MRAS: variants seen among roughly 807,000 people sequenced by gnomAD.
MRAS encodes the protein ras-related protein M-Ras.
A neutral mutation model predicts 20.9 loss-of-function variants in MRAS; 4 were observed. That is an observed-to-expected ratio of 0.19 (90% CI 0.09 to 0.44). The LOEUF (loss-of-function observed/expected upper bound fraction) is 0.44, where lower values mean the gene tolerates loss of function less well. Ranked by LOEUF, MRAS falls within the 20% of genes least tolerant of loss-of-function variation. MRAS has a pLI of 0.99. For missense variants in MRAS, 154 were observed against 277.5 expected, an observed-to-expected ratio of 0.56 and a Z score of 3.16; for synonymous variants, 98 against 102.9, an observed-to-expected ratio of 0.95 and a Z score of 0.29.
At chr3:138,373,173 A>G (rs2054710676) in intron 2 of MRAS, 97 bp downstream of exon 2, 1 of 1,138,676 alleles carries the variant, frequency 8.8e-7, no homozygotes, top group African/African-American at 1.6e-5. Flanking sequence ...GGTTTCCTTA[A>G]TGTTGCTGTT....
At chr3:138,355,192 A>C (rs1208927723) in intron 1 of MRAS, among the ~76,000 whole-genome samples, 1 of 152,182 alleles carries the variant, frequency 6.6e-6, no homozygotes, top group Non-Finnish European at 1.5e-5. Flanking sequence ...CCCTTCCTGC[A>C]GCTTTCACAG....
At chr3:138,370,974 A>G (rs1456903928) in intron 1 of MRAS, among the ~76,000 whole-genome samples, 1 of 152,122 alleles carries the variant, frequency 6.6e-6, no homozygotes, top group Non-Finnish European at 1.5e-5. Context: ...TTCCTTTTAA[A>G]TGACTGCATA....
intron 1 of MRAS, among the ~76,000 whole-genome samples, chr3:138,371,500 T>C (rs1201906989): frequency 1.3e-5 from 2 of 152,216 alleles, no homozygotes; most frequent in Non-Finnish European, 2.9e-5. Context: ...CACCCAGTTC[T>C]TTGTCCTCCC....
intron 1 of MRAS, among the ~76,000 whole-genome samples, chr3:138,350,706 C>T (rs980569668): frequency 1.3e-5 from 2 of 152,178 alleles, no homozygotes; most frequent in Non-Finnish European, 2.9e-5. Context: ...GCTCTAGCCA[C>T]TGGTATTTCA....
chr3:138,352,844 T>C (rs11914711), intron 1 of MRAS, among the ~76,000 whole-genome samples: 5,513 of 152,234 alleles, frequency 0.036, 145 homozygotes, highest in Non-Finnish European at 0.054. Flanking sequence ...TGACCATCTG[T>C]AGGGCCTTGT....
chr3:138,373,829 T>C (rs2054723851), intron 2 of MRAS, among the ~76,000 whole-genome samples: 1 of 152,210 alleles, frequency 6.6e-6, no homozygotes, highest in Non-Finnish European at 1.5e-5. Flanking sequence ...AGAGTTGATA[T>C]TTTAACAATG....
chr3:138,378,256 T>G (rs1331089347), intron 2 of MRAS, among the ~76,000 whole-genome samples: 1 of 152,234 alleles, frequency 6.6e-6, no homozygotes, highest in East Asian at 1.9e-4. Flanking sequence ...CCACACTGAT[T>G]ATTCTCACAG....
intron 1 of MRAS, among the ~76,000 whole-genome samples, chr3:138,370,576 C>T (rs2054653812): frequency 6.6e-6 from 1 of 152,092 alleles, no homozygotes; most frequent in South Asian, 2.1e-4. Context: ...GAAGCCTCAG[C>T]CCGTCCCGTG....
intron 2 of MRAS, among the ~76,000 whole-genome samples, chr3:138,393,096 A>G (rs1183589825): frequency 3.9e-5 from 6 of 152,238 alleles, no homozygotes; most frequent in African/African-American, 2.4e-5. Context: ...TAGCCTCTTG[A>G]CAAATGAGGC....
chr3:138,402,192 CAGAAGA>C lies in MRAS; in HGVS notation c.561_566del (p.Lys188_Lys189del). The C allele has an allele frequency of 4.3e-6, 7 of 1,614,044 alleles. No individual in the cohort carries two copies. Among genetic ancestry groups the C allele is most frequent in the Non-Finnish European group, 5.9e-6 (7 of 1,179,904 alleles). On this transcript the variant is annotated inframe_deletion, in exon 6 of 6. Transcript: ENST00000423968. ...AAGGCAACAGATTCCGGAAAAAAGC[CAGAAGA>C]AGAAGAAGAAAACCAAATGGCGGGG...
At position 138,396,610 on chromosome 3, in the gene MRAS, G is replaced by A. The variant is rs150929304; in HGVS notation, c.194-714G>A. Among the ~76,000 whole-genome samples the A allele has an allele frequency of 7.8e-3, 1,187 of 152,348 alleles. 10 individuals carry two copies. Among genetic ancestry groups the A allele is most frequent in the Non-Finnish European group, 0.012 (794 of 68,030 alleles). On this transcript the variant is annotated intron_variant, in intron 2 of 5. Transcript: ENST00000423968. Reference sequence around the variant, plus strand: ...GTGGGATGAGACTTTCCCTCAGCAGGAAGGAGGCTGGAGGAAGGTGGCAGT... The same window carrying A: ...GTGGGATGAGACTTTCCCTCAGCAGAAAGGAGGCTGGAGGAAGGTGGCAGT...
At position 138,397,437 on chromosome 3, in the gene MRAS, G is replaced by A. The variant is rs1307344253; in HGVS notation, c.307G>A (p.Val103Met). 1.2e-6 allele frequency: 2 copies of A among 1,614,056 alleles called. No individual in the cohort carries two copies. The highest frequency in any genetic ancestry group is 1.3e-5 in the African/African-American group (1 of 74,932). ...CACTGACAAGGCCAGCTTTGAGCAC[G>A]TGGACCGCTTCCACCAGCTTATCCT... ...SVTDKASFEH[V>M]DRFHQLILRV... is the part of the protein sequence containing the mutation. The change falls in exon 3 of 6, where the codon GTG (valine) becomes ATG (methionine). Residue 103 changes from valine (V) to methionine (M), a missense_variant. Around this residue, in one of 3 missense-constraint regions of MRAS, gnomAD observed 125 missense variants for 213.5 expected, o/e 0.59. Coordinates refer to ENST00000423968, the MANE Select transcript of MRAS (RefSeq NM_001085049.3).
chr3:138,355,270 C>T (rs931912319), intron 1 of MRAS, among the ~76,000 whole-genome samples: 17 of 152,170 alleles, frequency 1.1e-4, no homozygotes, highest in African/African-American at 4.1e-4. Flanking sequence ...AGAGCCAACC[C>T]TGCATCTGCA....
At chr3:138,377,424 G>A (rs2054807183) in intron 2 of MRAS, among the ~76,000 whole-genome samples, 1 of 152,214 alleles carries the variant, frequency 6.6e-6, no homozygotes, top group South Asian at 2.1e-4. Context: ...GACCAACATA[G>A]TGAAACCCCG....
At chr3:138,372,330 G>A (rs980610550) in intron 1 of MRAS, among the ~76,000 whole-genome samples, 1 of 152,132 alleles carries the variant, frequency 6.6e-6, no homozygotes, top group Non-Finnish European at 1.5e-5. Flanking sequence ...GCAAGAAGCA[G>A]AGAGAAAGGA....
At chr3:138,347,752 C>G (rs948817467), upstream of MRAS, 1 of 152,086 alleles carries the variant, frequency 6.6e-6, no homozygotes, top group Non-Finnish European at 1.5e-5. Context: ...GCCGCCATGC[C>G]GGGTTGACTT....
intron 4 of MRAS, 27 bp downstream of exon 4, chr3:138,398,595 G>A: frequency 6.2e-7 from 1 of 1,602,608 alleles, no homozygotes; most frequent in Non-Finnish European, 8.5e-7. Context: ...GTGTAGAGGG[G>A]GTCAGGAGAT....
At chr3:138,384,301 G>T (rs528218696) in intron 2 of MRAS, among the ~76,000 whole-genome samples, 1 of 152,306 alleles carries the variant, frequency 6.6e-6, no homozygotes, top group Admixed American at 6.5e-5. Context: ...TGGCTCTGGT[G>T]TGAACGGAAC....
chr3:138,356,774 A>G (rs2054342940), intron 1 of MRAS, among the ~76,000 whole-genome samples: 1 of 152,318 alleles, frequency 6.6e-6, no homozygotes, highest in South Asian at 2.1e-4. Context: ...TGGAAGGCCT[A>G]GTCTGTCTCA....
Sources: gnomAD v4.1 joint callset for allele counts (sites outside exome capture counted in the v4.1 genomes callset) on GRCh38, gnomAD v4.1.1 for gene constraint, gnomAD v4.1.1 regional missense constraint, MANE v1.5 for transcripts, NCBI Gene and HGNC (gene_info 2026-07-23, HGNC 2026-07-21) for gene names.